STAB2: variants seen among roughly 807,000 people sequenced by gnomAD.
STAB2 encodes stabilin 2.
STAB2 carries 288 observed loss-of-function variants against 338.1 expected under a neutral mutation model. The observed-to-expected ratio is 0.85, with a 90% CI of 0.77 to 0.94. The LOEUF (loss-of-function observed/expected upper bound fraction) is 0.94. STAB2 is among the 40% of genes least tolerant of loss of function. The pLI is 0.00. For synonymous variants in STAB2, 1,202 were observed against 1,193.3 expected, an observed-to-expected ratio of 1.01 and a Z score of -0.15; for missense variants, 3,141 against 3,210.1, an observed-to-expected ratio of 0.98 and a Z score of 0.52.
Position 103,668,996 on chromosome 12 carries a change from C to T in STAB2, c.2172+267C>T, listed in dbSNP as rs1261003527. 7.5e-6 allele frequency: 3 copies of T among 400,256 alleles called. No individual in the cohort carries two copies. In the East Asian group the frequency reaches 1.2e-4, roughly 16 times the overall value. The allele number at this position is 400,256 out of a possible 1,614,324, so 24.8% of individuals were successfully genotyped here. On this transcript the variant is annotated intron_variant, in intron 20 of 68. Transcript: ENST00000388887. Reference sequence around the variant, plus strand: ...GCCCACCCTCTGCCTGTGGCTCTGACCTGCCTGTCACCCCCATTCCTACCT... The same window carrying T: ...GCCCACCCTCTGCCTGTGGCTCTGATCTGCCTGTCACCCCCATTCCTACCT...
intron 58 of STAB2, 65 bp from the exon 59 acceptor site, chr12:103,748,898 C>T: frequency 1.3e-6 from 2 of 1,546,262 alleles, no homozygotes; most frequent in Non-Finnish European, 1.8e-6. Context: ...TGCCCCATAC[C>T]CTGACCTGAA....
chr12:103,592,492 C>G (rs1956814818), intron 2 of STAB2, among the ~76,000 whole-genome samples: 1 of 152,146 alleles, frequency 6.6e-6, no homozygotes, highest in African/African-American at 2.4e-5. Context: ...TATGCTGGAA[C>G]AAACTCAAGA....
chr12:103,762,179 C>T (rs1244092099), intron 66 of STAB2, 95 bp from the exon 67 acceptor site: 1 of 1,529,380 alleles, frequency 6.5e-7, no homozygotes, highest in South Asian at 1.2e-5. Flanking sequence ...TATTTTTATC[C>T]CCACTGGCTC....
chr12:103,684,147 C>T (rs190129268), intron 26 of STAB2, among the ~76,000 whole-genome samples: 1 of 152,308 alleles, frequency 6.6e-6, no homozygotes, highest in Admixed American at 6.5e-5. Context: ...TCTCATTCCC[C>T]GAACTTGTAG....
intron 3 of STAB2, among the ~76,000 whole-genome samples, chr12:103,616,032 T>C (rs1169226161): frequency 4.6e-5 from 7 of 152,082 alleles, no homozygotes; most frequent in Non-Finnish European, 1.0e-4. Flanking sequence ...AGTTCCCCAC[T>C]CCCAAGGGAT....
chr12:103,739,534 TG>T, intron 54 of STAB2, 66 bp downstream of exon 54: 2 of 249,496 alleles, frequency 8.0e-6, no homozygotes, highest in Non-Finnish European at 6.5e-6. Flanking sequence ...GACCTGTGTG[TG>T]TGTGTGTGTG....
At chr12:103,672,300 G>C (rs576374703) in intron 22 of STAB2, among the ~76,000 whole-genome samples, 1 of 152,082 alleles carries the variant, frequency 6.6e-6, no homozygotes, top group African/African-American at 2.4e-5. Flanking sequence ...TTTCATATTA[G>C]AGGAAGAAAA....
Position 103,737,628 on chromosome 12 carries a change from T to C in STAB2, c.5551-6T>C, listed in dbSNP as rs946428965. 10 of 1,553,056 alleles carry C rather than the reference T, an allele frequency of 6.4e-6. No homozygotes were observed. Among genetic ancestry groups the C allele is most frequent in the Non-Finnish European group, 7.0e-6 (8 of 1,138,602 alleles). On this transcript the variant is annotated splice_polypyrimidine_tract_variant and splice_region_variant and intron_variant, in intron 52 of 68. Transcript: ENST00000388887. ...TCTCTTTTTTTTTTTTTTTTTTCTT[T>C]CTTAGGGTGACCTCTTTCTGAATGG...
chr12:103,733,207 A>G, intron 51 of STAB2, 25 bp downstream of exon 51: 1 of 1,610,292 alleles, frequency 6.2e-7, no homozygotes, highest in Non-Finnish European at 8.5e-7. Flanking sequence ...TGCAGACATA[A>G]GTGCAAGAAT....
chr12:103,607,494 G>A (rs1379679997), intron 3 of STAB2, among the ~76,000 whole-genome samples: 2 of 146,382 alleles, frequency 1.4e-5, no homozygotes, highest in African/African-American at 2.5e-5. Flanking sequence ...CCATTAACTC[G>A]TCATTTACAT....
chr12:103,706,660 A>T, intron 37 of STAB2, 132 bp from the exon 38 acceptor site: 1 of 1,225,134 alleles, frequency 8.2e-7, no homozygotes. Context: ...TCCTGCCCCC[A>T]CCCCTCACCC....
At chr12:103,727,193 C>G in intron 46 of STAB2, 74 bp from the exon 47 acceptor site, 2 of 1,512,558 alleles carry the variant, frequency 1.3e-6, no homozygotes, top group Non-Finnish European at 1.8e-6. Context: ...GCCATCATCT[C>G]TGGTATTAGT....
chr12:103,690,389 T>C (rs764003824), intron 29 of STAB2, 35 bp from the exon 30 acceptor site: 1 of 1,523,926 alleles, frequency 6.6e-7, no homozygotes, highest in Non-Finnish European at 9.1e-7. Context: ...CATACATTTA[T>C]ATTGAATTAT....
intron 23 of STAB2, 43 bp from the exon 24 acceptor site, chr12:103,675,885 T>C (rs1178452052): frequency 1.3e-6 from 2 of 1,521,048 alleles, no homozygotes; most frequent in Middle Eastern, 3.4e-4. Context: ...TCTGGGTCGT[T>C]GGTGCTTATT....
chr12:103,737,874 G>A lies in STAB2; in HGVS notation c.5697+94G>A, dbSNP rs1183036912. 12 of 1,512,076 alleles carry A rather than the reference G, an allele frequency of 7.9e-6. No individual in the cohort carries two copies. In the East Asian group the frequency reaches 2.5e-4, roughly 32 times the overall value. 93.7% of individuals were successfully genotyped at this position (1,512,076 alleles called of 1,614,324 possible). ...GGACCCTGTTGTGAAACCATTAAGG[G>A]CCTGTCCTCAGCAAGACTAGGACCC... On this transcript the variant is annotated intron_variant, in intron 53 of 68. Coordinates refer to ENST00000388887, the MANE Select transcript of STAB2 (RefSeq NM_017564.10).
In STAB2 at chr12:103,740,743, G is replaced by T. The variant is rs771139534; in HGVS notation, c.5868G>T (p.Gly1956=). Residue 1956 remains glycine (G), a synonymous_variant, in exon 55 of 69, where the codon GGG becomes GGT. Coordinates refer to ENST00000388887, the MANE Select transcript of STAB2 (RefSeq NM_017564.10). The stretch of plus-strand genomic sequence containing the variant: ...CCAGGTGCTGCAAGGGCTACTTCGG[G>T]CGAGACTGTCAGGGTGAGGGTGCCT... ...QIPRCCKGYF[G]RDCQACPGGP... is the part of the protein sequence containing the mutation. 3.8e-6 allele frequency: 6 copies of T among 1,587,208 alleles called. No individual in the cohort carries two copies. The Admixed American group carries it at 9.4e-5, about 25-fold the overall frequency.
intron 45 of STAB2, among the ~76,000 whole-genome samples, chr12:103,725,689 T>C (rs1464121282): frequency 6.6e-6 from 1 of 152,220 alleles, no homozygotes; most frequent in African/African-American, 2.4e-5. Flanking sequence ...CTGAGCATAG[T>C]GGTTGAGGCA....
chr12:103,662,919 T>C lies in STAB2; in HGVS notation c.1943T>C (p.Leu648Pro). ...ITAKNGRIYTLTGVLIPPSIV... is the reference protein window; with the variant it reads ...ITAKNGRIYTPTGVLIPPSIV... ...GCCAAAAATGGCCGAATTTACACAC[T>C]GACAGGAGTTCTCATTCCTCCCTCC... Residue 648 changes from leucine to proline, a missense_variant, in exon 18 of 69, where the codon CTG (leucine) becomes CCG (proline). By Grantham distance (98) the Leu-to-Pro change is moderately conservative (BLOSUM62 -3). Coordinates refer to ENST00000388887, the MANE Select transcript of STAB2 (RefSeq NM_017564.10). 1 of 1,614,198 alleles carries C rather than the reference T, an allele frequency of 6.2e-7. No individual in the cohort carries two copies.
chr12:103,628,681 C>G (rs1350445599), intron 5 of STAB2, among the ~76,000 whole-genome samples: 1 of 152,184 alleles, frequency 6.6e-6, no homozygotes, highest in Non-Finnish European at 1.5e-5. Flanking sequence ...CACCTAATGT[C>G]TGTGGCATCT....
Sources: gnomAD v4.1 joint callset for allele counts (sites outside exome capture counted in the v4.1 genomes callset) on GRCh38, gnomAD v4.1.1 for gene constraint, MANE v1.5 for transcripts, NCBI Gene and HGNC (gene_info 2026-07-23, HGNC 2026-07-21) for gene names.